ZMYM4: variants seen among roughly 807,000 people sequenced by gnomAD.
ZMYM4 encodes zinc finger MYM-type containing 4, also known as zinc finger MYM-type protein 4.
Under a neutral mutation model 183.2 loss-of-function variants are expected in ZMYM4, and 31 were observed. The observed-to-expected ratio is 0.17, with a 90% CI of 0.13 to 0.23. The LOEUF (loss-of-function observed/expected upper bound fraction) is 0.23. Among genes scored for constraint, ZMYM4 ranks in the 10% least tolerant of loss-of-function variants. The pLI is 1.00. For synonymous variants in ZMYM4, 592 were observed against 631.2 expected, an observed-to-expected ratio of 0.94 and a Z score of 0.93; for missense variants, 1,273 against 1,840.3, an observed-to-expected ratio of 0.69 and a Z score of 5.64.
At chr1:35,355,084 A>G (rs1368735535) in intron 2 of ZMYM4, among the ~76,000 whole-genome samples, 1 of 151,242 alleles carries the variant, frequency 6.6e-6, no homozygotes, top group Non-Finnish European at 1.5e-5. Context: ...CCCAGGCTGG[A>G]GTGCAGTGGC....
At chr1:35,405,518 C>A in intron 25 of ZMYM4, 50 bp downstream of exon 25, 2 of 1,352,920 alleles carry the variant, frequency 1.5e-6, no homozygotes, top group Non-Finnish European at 2.0e-6. Flanking sequence ...ATTATTATTG[C>A]GGATTTAAAT....
At chr1:35,381,179 T>G in intron 7 of ZMYM4, 80 bp from the exon 8 acceptor site, 1 of 1,212,720 alleles carries the variant, frequency 8.2e-7, no homozygotes, top group Non-Finnish European at 1.1e-6. Flanking sequence ...TGCCTCTGTT[T>G]TATTTAGTTA....
intron 2 of ZMYM4, among the ~76,000 whole-genome samples, chr1:35,326,830 C>A (rs1449216323): frequency 3.3e-5 from 5 of 152,162 alleles, no homozygotes; most frequent in Admixed American, 3.3e-4. Flanking sequence ...ACAAACTCCA[C>A]ATAAATAATA....
At chr1:35,317,436 AAAAT>A (rs565764704) in intron 1 of ZMYM4, among the ~76,000 whole-genome samples, 19 of 152,178 alleles carry the variant, frequency 1.2e-4, no homozygotes, top group South Asian at 4.2e-4. Flanking sequence ...TCTGTCTCAA[AAAAT>A]AAATAAATAA....
At chr1:35,350,703 A>C (rs899640361) in intron 2 of ZMYM4, 1 of 369,216 alleles carries the variant, frequency 2.7e-6, no homozygotes, top group Non-Finnish European at 5.1e-6. Flanking sequence ...GCTGCAGACA[A>C]AGATCTCTCT....
At chr1:35,407,986 G>T in intron 25 of ZMYM4, 22 bp from the exon 26 acceptor site, 2 of 1,613,746 alleles carry the variant, frequency 1.2e-6, no homozygotes, top group Non-Finnish European at 1.7e-6. Context: ...TAATGTTTCA[G>T]ATGTTTTCTA....
At chr1:35,289,772 C>T (rs994218208) in intron 1 of ZMYM4, among the ~76,000 whole-genome samples, 1 of 152,134 alleles carries the variant, frequency 6.6e-6, no homozygotes, top group Admixed American at 6.6e-5. Context: ...CCAGACATTA[C>T]CAGTATCTTC....
At chr1:35,371,364 C>T (rs1570460590) in intron 7 of ZMYM4, among the ~76,000 whole-genome samples, 1 of 152,220 alleles carries the variant, frequency 6.6e-6, no homozygotes, top group East Asian at 1.9e-4. Flanking sequence ...GATCTGCCTG[C>T]CTCAGCCTCC....
intron 7 of ZMYM4, among the ~76,000 whole-genome samples, chr1:35,372,525 C>T (rs1276946498): frequency 6.6e-6 from 1 of 152,044 alleles, no homozygotes; most frequent in African/African-American, 2.4e-5. Flanking sequence ...AAAATGTTCT[C>T]ACCACAAAAA....
At chr1:35,386,255 C>T (rs979381561) in intron 11 of ZMYM4, 66 bp downstream of exon 11, 1 of 1,167,872 alleles carries the variant, frequency 8.6e-7, no homozygotes, top group Non-Finnish European at 1.3e-6. Flanking sequence ...TCTGTTCTTG[C>T]ACTCCTCTAA....
At chr1:35,342,928 C>T (rs1318192634) in intron 2 of ZMYM4, among the ~76,000 whole-genome samples, 4 of 151,980 alleles carry the variant, frequency 2.6e-5, no homozygotes, top group East Asian at 1.9e-4. Context: ...GCGACCTGCC[C>T]GCCTCAGCCT....
intron 7 of ZMYM4, among the ~76,000 whole-genome samples, chr1:35,373,827 G>C (rs981319369): frequency 4.0e-4 from 60 of 151,826 alleles, no homozygotes; most frequent in African/African-American, 1.3e-3. Context: ...GTGAGCCACC[G>C]CGCCCAGCCC....
chr1:35,394,162 C>CTTTATTTTTTTTTTTTTTTTTTTT, intron 18 of ZMYM4, among the ~76,000 whole-genome samples: 1 of 68,430 alleles, frequency 1.5e-5, no homozygotes, highest in African/African-American at 5.9e-5. Context: ...TCAGAGCTTT[C>CTTTATTTTTTTTTTTTTTTTTTTT]TTTTTTTTTT....
At chr1:35,309,920 TG>T (rs1435429921) in intron 1 of ZMYM4, among the ~76,000 whole-genome samples, 1 of 145,062 alleles carries the variant, frequency 6.9e-6, no homozygotes, top group African/African-American at 2.6e-5. Context: ...TTGTGTTGTG[TG>T]TTTTTTTTTG....
rs1446441646 is a variant in ZMYM4 at position 35,268,830 on chromosome 1, G to A, written c.-217G>A. On this transcript the variant is annotated 5_prime_UTR_variant, in exon 1 of 30. Transcript: ENST00000314607. ...AGTCCCGGCCCCCACCCCGTCCCCG[G>A]GCAGGCCCTCCCGCCCACGCGCGGA... 3 of 404,794 alleles carry A rather than the reference G, an allele frequency of 7.4e-6. No individual in the cohort carries two copies. The highest frequency in any genetic ancestry group is 4.7e-5 in the Admixed American group (1 of 21,248). The allele number at this position is 404,794 out of a possible 1,614,324, so 25.1% of individuals were successfully genotyped here. A position where few individuals can be genotyped will look rare whatever the true frequency, so the allele number is the denominator to read the frequency against.
At chr1:35,410,458 A>T (rs1054176864) in intron 26 of ZMYM4, among the ~76,000 whole-genome samples, 3 of 150,770 alleles carry the variant, frequency 2.0e-5, no homozygotes, top group Non-Finnish European at 1.5e-5. Context: ...ACAAATATAT[A>T]TTTATTTATT....
At chr1:35,385,145 G>A (rs939355339) in intron 9 of ZMYM4, among the ~76,000 whole-genome samples, 2 of 151,980 alleles carry the variant, frequency 1.3e-5, no homozygotes, top group East Asian at 3.9e-4. Context: ...ACGCCTGGCC[G>A]CATTACTTTT....
intron 2 of ZMYM4, among the ~76,000 whole-genome samples, chr1:35,335,100 C>T (rs1157220244): frequency 6.6e-6 from 1 of 152,160 alleles, no homozygotes; most frequent in African/African-American, 2.4e-5. Flanking sequence ...AAAAGGTAGC[C>T]ATCATCCTGA....
At chr1:35,308,104 G>C (rs1480218696) in intron 1 of ZMYM4, among the ~76,000 whole-genome samples, 1 of 152,206 alleles carries the variant, frequency 6.6e-6, no homozygotes, top group Non-Finnish European at 1.5e-5. Flanking sequence ...CAATTATCCT[G>C]CCTCAGCCTC....
Sources: gnomAD v4.1 joint callset for allele counts (sites outside exome capture counted in the v4.1 genomes callset) on GRCh38, gnomAD v4.1.1 for gene constraint, MANE v1.5 for transcripts, NCBI Gene and HGNC (gene_info 2026-07-23, HGNC 2026-07-21) for gene names.